The following PTPRG variants were observed in gnomAD, a reference collection of about 807,000 sequenced individuals.
The protein encoded by PTPRG is receptor-type tyrosine-protein phosphatase gamma.
Under a neutral mutation model 165.3 loss-of-function variants are expected in PTPRG, and 102 were observed. The observed-to-expected ratio is 0.62, with a 90% CI of 0.53 to 0.73. The LOEUF (loss-of-function observed/expected upper bound fraction) is 0.73. Ranked by LOEUF, PTPRG falls within the 30% of genes least tolerant of loss-of-function variation. The probability of loss-of-function intolerance (pLI) is 0.00; values close to 1 mark genes in which losing one functional copy is unlikely to be tolerated. For missense variants in PTPRG, 1,866 were observed against 1,861.4 expected (o/e 1.00, Z -0.05); for synonymous variants, 675 against 669.5 (o/e 1.01, Z -0.13).
chr3:61,743,567 T>C (rs562093747), intron 1 of PTPRG, among the ~76,000 whole-genome samples: 3 of 152,308 alleles, frequency 2.0e-5, no homozygotes, highest in Admixed American at 6.5e-5. Context: ...AGGAGGAGAA[T>C]GCAGCAATGT....
chr3:61,706,787 G>A (rs931043087), intron 1 of PTPRG, among the ~76,000 whole-genome samples: 1 of 151,820 alleles, frequency 6.6e-6, no homozygotes, highest in African/African-American at 2.4e-5. Flanking sequence ...ACTGTGCCCG[G>A]CCAGTATTAT....
In PTPRG at chr3:61,676,887, G is replaced by A. The variant is rs1314546003; in HGVS notation, c.86-71991G>A. 3.9e-5 allele frequency among the ~76,000 whole-genome samples: 6 copies of A among 152,222 alleles called. No homozygotes were observed. In the South Asian group the frequency reaches 8.3e-4, roughly 21 times the overall value. On this transcript the variant is annotated intron_variant, in intron 1 of 29. Transcript: ENST00000474889. ...AGTTAGATGGAGACTCCTGACCTGA[G>A]TGAGGAGTATTATCTGTCCTGTGAG...
At chr3:61,682,371 G>T (rs960351657) in intron 1 of PTPRG, among the ~76,000 whole-genome samples, 3 of 152,148 alleles carry the variant, frequency 2.0e-5, no homozygotes, top group African/African-American at 7.2e-5. Flanking sequence ...TTCTCAAATG[G>T]TTGAGGAATA....
At chr3:61,826,848 TC>T (rs1553676833) in intron 2 of PTPRG, among the ~76,000 whole-genome samples, 1 of 151,106 alleles carries the variant, frequency 6.6e-6, no homozygotes, top group Non-Finnish European at 1.5e-5. Flanking sequence ...TTTTTTTTTT[TC>T]CGATTATGTG....
At chr3:61,609,923 T>C (rs917764129) in intron 1 of PTPRG, among the ~76,000 whole-genome samples, 7 of 151,822 alleles carry the variant, frequency 4.6e-5, no homozygotes, top group Non-Finnish European at 7.4e-5. Context: ...CCAACTTTTT[T>C]CCAACAAGTT....
intron 2 of PTPRG, among the ~76,000 whole-genome samples, chr3:61,946,864 G>C (rs1467457453): frequency 6.6e-6 from 1 of 152,134 alleles, no homozygotes; most frequent in Non-Finnish European, 1.5e-5. Context: ...CCCTCTTCTA[G>C]AACTTTTTAA....
Position 62,273,698 on chromosome 3 carries a change from G to A in PTPRG, c.3319G>A (p.Glu1107Lys). ...GACTACCATGTATTGTACCTCTTAGGAGCAGTACATTTTCATCCATGATGC... is the reference window on the plus strand; with the variant it reads ...GACTACCATGTATTGTACCTCTTAGAAGCAGTACATTTTCATCCATGATGC... ...TQRNYLVQTE[E>K]QYIFIHDALL... Residue 1107 changes from glutamate to lysine, a missense_variant and splice_region_variant, in exon 23 of 30, where the codon GAG becomes AAG. Physicochemically the swap from Glu to Lys is moderately conservative, Grantham distance 56. Around this residue, in one of 3 missense-constraint regions of PTPRG, gnomAD observed 1,452 missense variants for 1,463.0 expected, o/e 0.99. Transcript: ENST00000474889. The surrounding 1 kb of genome is among the most constrained non-coding windows in gnomAD (Gnocchi z 4.1). The A allele has an allele frequency of 6.2e-7, 1 of 1,613,180 alleles. No homozygotes were observed.
intron 1 of PTPRG, among the ~76,000 whole-genome samples, chr3:61,629,902 A>C (rs545694106): frequency 1.2e-3 from 181 of 152,316 alleles, no homozygotes; most frequent in Non-Finnish European, 1.8e-3. Flanking sequence ...CCTTCTGTCA[A>C]GCTGATGGGC....
chr3:62,205,806 T>C (rs1013138733), intron 12 of PTPRG, among the ~76,000 whole-genome samples: 4 of 152,146 alleles, frequency 2.6e-5, no homozygotes, highest in Non-Finnish European at 5.9e-5. Flanking sequence ...AGGATTTCCT[T>C]CTACTAGAAA....
chr3:61,806,882 C>G (rs1392855082), intron 2 of PTPRG, among the ~76,000 whole-genome samples: 1 of 152,186 alleles, frequency 6.6e-6, no homozygotes, highest in Non-Finnish European at 1.5e-5. Flanking sequence ...GTGTACCCCT[C>G]TAAGTTCTAT....
chr3:61,910,039 C>G (rs377330541), intron 2 of PTPRG, among the ~76,000 whole-genome samples: 3 of 152,034 alleles, frequency 2.0e-5, no homozygotes, highest in Admixed American at 2.0e-4. Flanking sequence ...TCTTTTTTCC[C>G]CAAAGATGCT....
At chr3:61,824,206 C>A (rs2036041070) in intron 2 of PTPRG, among the ~76,000 whole-genome samples, 1 of 152,132 alleles carries the variant, frequency 6.6e-6, no homozygotes, top group Non-Finnish European at 1.5e-5. Flanking sequence ...TTCCAAACCA[C>A]ACTAGACTAT....
rs534453001 is a variant in PTPRG at position 62,258,381 on chromosome 3, T to C, written c.2559+3166T>C. Among the ~76,000 whole-genome samples, 6 of 152,312 alleles carry C rather than the reference T, an allele frequency of 3.9e-5. No homozygotes were observed. The South Asian group carries it at 6.2e-4, about 16-fold the overall frequency. ...GTCCTTGCCCTCAAAGAGTTCAATC[T>C]GGTACTGGGGGAGGCCAGAGTGTAC... On this transcript the variant is annotated intron_variant, in intron 16 of 29. Coordinates refer to ENST00000474889, the MANE Select transcript of PTPRG (RefSeq NM_002841.4).
chr3:62,209,382 G>A (rs1474749836), intron 12 of PTPRG, among the ~76,000 whole-genome samples: 3 of 152,142 alleles, frequency 2.0e-5, no homozygotes, highest in Non-Finnish European at 4.4e-5. Flanking sequence ...TTCATGTAAA[G>A]TTTCCTTATT....
chr3:62,226,253 A>G (rs115039195), intron 13 of PTPRG, among the ~76,000 whole-genome samples: 2,041 of 152,310 alleles, frequency 0.013, 16 homozygotes, highest in Non-Finnish European at 0.022. Flanking sequence ...TCCATAGCCT[A>G]CTTTTATAGT....
intron 2 of PTPRG, among the ~76,000 whole-genome samples, chr3:61,857,287 G>A (rs2037136097): frequency 1.3e-5 from 2 of 152,128 alleles, no homozygotes; most frequent in South Asian, 2.1e-4. Context: ...AGTGGCCAAG[G>A]CAAGACTTGA....
At chr3:61,878,922 C>T (rs140859597) in intron 2 of PTPRG, among the ~76,000 whole-genome samples, 1,697 of 152,244 alleles carry the variant, frequency 0.011, 33 homozygotes, top group African/African-American at 0.038. Flanking sequence ...ACTAGTAAGG[C>T]GTCTTATTTT....
chr3:62,267,459 G>A lies in PTPRG; in HGVS notation c.2706G>A (p.Lys902=), dbSNP rs757340112. 6.2e-7 allele frequency: 1 copy of A among 1,612,154 alleles called. No individual in the cohort carries two copies. The highest frequency in any genetic ancestry group is 8.5e-7 in the Non-Finnish European group (1 of 1,178,490). The change falls in exon 18 of 30, where the codon AAG becomes AAA. Residue 902 remains lysine, a synonymous_variant. Transcript: ENST00000474889. ...KLRPLPGKDS[K]HSDYINANYV... is the part of the protein sequence containing the mutation. ...GACCTTTACCAGGAAAAGACTCTAAGCACAGCGACTACATTAATGCAAACT... is the reference window on the plus strand; with the variant it reads ...GACCTTTACCAGGAAAAGACTCTAAACACAGCGACTACATTAATGCAAACT...
chr3:61,697,272 G>A lies in PTPRG; in HGVS notation c.86-51606G>A, dbSNP rs529599350. ...GTTGGGGCTCAGAGAACAATACTCC[G>A]AAGTCTCATACTTCGGCATGCTGAG... On this transcript the variant is annotated intron_variant, in intron 1 of 29. Transcript: ENST00000474889. Among the ~76,000 whole-genome samples the A allele has an allele frequency of 2.0e-4, 30 of 152,166 alleles. 1 individual carries two copies. In the South Asian group the frequency reaches 5.2e-3, roughly 26 times the overall value.
Sources: allele counts gnomAD v4.1 joint callset (sites outside exome capture counted in the v4.1 genomes callset), GRCh38; gene constraint gnomAD v4.1.1; regional missense constraint gnomAD v4.1.1; non-coding constraint Gnocchi (gnomAD v3.1); transcripts MANE v1.5; gene names NCBI Gene and HGNC (gene_info 2026-07-23, HGNC 2026-07-21).